The following CDC42BPG variants were observed in gnomAD, a reference collection of about 807,000 sequenced individuals.
CDC42BPG encodes the protein serine/threonine-protein kinase MRCK gamma.
CDC42BPG carries 157 observed loss-of-function variants against 192.2 expected under a neutral mutation model. That is an observed-to-expected ratio of 0.82 (90% confidence interval 0.72 to 0.93). The LOEUF is 0.93. Ranked by LOEUF, CDC42BPG falls within the 40% of genes least tolerant of loss-of-function variation. The probability of loss-of-function intolerance (pLI) is 0.00; values close to 1 mark genes in which losing one functional copy is unlikely to be tolerated. For missense variants in CDC42BPG, 1,992 were observed against 2,122.1 expected, an observed-to-expected ratio of 0.94 and a Z score of 1.20; for synonymous variants, 981 against 918.5, an observed-to-expected ratio of 1.07 and a Z score of -1.23.
intron 8 of CDC42BPG, 68 bp from the exon 9 acceptor site, chr11:64,838,230 C>T (rs1272433117): frequency 7.6e-7 from 1 of 1,307,780 alleles, no homozygotes; most frequent in African/African-American, 1.5e-5. Flanking sequence ...GCCCAGGAGC[C>T]CCCTGGGACC....
Position 64,829,803 on chromosome 11 carries a change from G to A in CDC42BPG, c.3635C>T (p.Pro1212Leu). 6.2e-7 allele frequency: 1 copy of A among 1,602,940 alleles called. No individual in the cohort carries two copies. Among genetic ancestry groups the A allele is most frequent in the Non-Finnish European group, 8.5e-7 (1 of 1,176,526 alleles). The change falls in exon 30 of 37, where the codon CCT becomes CTT. Residue 1212 changes from proline (P) to leucine (L), a missense_variant. This residue lies in a region of CDC42BPG where 1,656 missense variants were observed against 1,844.3 expected (regional missense o/e 0.90). Transcript: ENST00000342711. ...QVLCYQLGPGPGPWQRRIREL... is the reference protein window; with the variant it reads ...QVLCYQLGPGLGPWQRRIREL... ...ACGGATGCGGCGCTGCCAGGGCCCAGGGCCCGGGCCCAGCTGGTAGCAGAG... is the reference window on the plus strand; with the variant it reads ...ACGGATGCGGCGCTGCCAGGGCCCAAGGCCCGGGCCCAGCTGGTAGCAGAG...
At chr11:64,825,959 G>A (rs1048469046) in intron 36 of CDC42BPG, among the ~76,000 whole-genome samples, 3 of 151,880 alleles carry the variant, frequency 2.0e-5, no homozygotes, top group Non-Finnish European at 4.4e-5. Flanking sequence ...CCAGCGACTT[G>A]GGAGAGGCTG....
chr11:64,838,357 G>A (rs555138336), intron 8 of CDC42BPG, among the ~76,000 whole-genome samples, 195 bp from the exon 9 acceptor site: 6 of 152,178 alleles, frequency 3.9e-5, no homozygotes, highest in African/African-American at 7.2e-5. Flanking sequence ...TTCCTTATAC[G>A]GATTCTAGTT....
In CDC42BPG at chr11:64,834,129, A is replaced by G. The variant is rs146448977; in HGVS notation, c.2413+137T>C. ...CAGGCACTCCAGAAGTGCTGGTCAC[A>G]GATGATGGAGTAAGCGGCAGAGTCC... On this transcript the variant is annotated intron_variant, in intron 20 of 36. Transcript: ENST00000342711. 745 of 1,382,588 alleles carry G rather than the reference A, an allele frequency of 5.4e-4. 2 individuals carry two copies. In the African/African-American group the frequency reaches 9.0e-3, roughly 17 times the overall value. The allele number at this position is 1,382,588 out of a possible 1,614,324, so 85.6% of individuals were successfully genotyped here.
chr11:64,832,892 G>A lies in CDC42BPG; in HGVS notation c.2799C>T (p.Leu933=). The A allele has an allele frequency of 6.4e-7, 1 of 1,554,388 alleles. No homozygotes were observed. Among genetic ancestry groups the A allele is most frequent in the South Asian group, 1.2e-5 (1 of 84,318 alleles). Residue 933 remains leucine (L), a synonymous_variant, in exon 25 of 37, where the codon CTC becomes CTT. Coordinates refer to ENST00000342711, the MANE Select transcript of CDC42BPG (RefSeq NM_017525.3). ...QAPPCPVPPD[L]LRTALGVHPE... is the part of the protein sequence containing the mutation. Reference sequence around the variant, plus strand: ...GGTGTACTCCCAGGGCTGTGCGGAGGAGGTCAGGGGGCACGGGGCAGGGTG... The same window carrying A: ...GGTGTACTCCCAGGGCTGTGCGGAGAAGGTCAGGGGGCACGGGGCAGGGTG...
In CDC42BPG at chr11:64,834,429, C is replaced by A. The variant is rs775596454; in HGVS notation, c.2324G>T (p.Arg775Leu). The A allele has an allele frequency of 6.4e-6, 10 of 1,564,274 alleles. No individual in the cohort carries two copies. Among genetic ancestry groups the A allele is most frequent in the East Asian group, 2.4e-5 (1 of 42,234 alleles). The change falls in exon 19 of 37, where the codon CGC becomes CTC. Residue 775 changes from arginine (R) to leucine (L), a missense_variant and splice_region_variant. Physicochemically the swap from Arg to Leu is moderately radical, Grantham distance 102. This residue lies in a region of CDC42BPG where 1,656 missense variants were observed against 1,844.3 expected (regional missense o/e 0.90). Transcript: ENST00000342711. ...CCCCAGTGCCTGCCCCTAGCCTCAC[C>A]GCTCAGCCTGCAGCTGGGCCTCCTG... The part of the protein sequence containing the change: ...QVQEAQLQAE[R>L]RLQEAEKQSQ...
intron 17 of CDC42BPG, 39 bp downstream of exon 17, chr11:64,835,008 C>G: frequency 6.2e-7 from 1 of 1,611,124 alleles, no homozygotes; most frequent in East Asian, 2.2e-5. Context: ...CCCTCAGTCT[C>G]GCCTGCGTTC....
intron 36 of CDC42BPG, among the ~76,000 whole-genome samples, chr11:64,825,795 G>A (rs1290813803): frequency 2.0e-5 from 3 of 152,188 alleles, no homozygotes; most frequent in African/African-American, 7.2e-5. Flanking sequence ...GCCGGGCATG[G>A]TGGCTCACAT....
chr11:64,838,986 A>G (rs769081021), intron 7 of CDC42BPG, 47 bp downstream of exon 7: 2 of 1,612,264 alleles, frequency 1.2e-6, no homozygotes, highest in South Asian at 2.2e-5. Context: ...ACACAGACTC[A>G]GGGGTCCCAC....
In CDC42BPG at chr11:64,836,705, CTGGGGGGGGGGGGGGGGTGGG is replaced by C. The variant is rs1943012775; in HGVS notation, c.1384+13_1384+33del. ...ACCCGAGCCCAGGTGGGACTCAGCC[CTGGGGGGGGGGGGGGGGTGGG>C]CGGAAGGGATACCTGGCAGCCTGTC... On this transcript the variant is annotated intron_variant, in intron 11 of 36. Coordinates refer to ENST00000342711, the MANE Select transcript of CDC42BPG (RefSeq NM_017525.3). 2.3e-5 allele frequency: 8 copies of C among 353,516 alleles called. No individual in the cohort carries two copies. The highest frequency in any genetic ancestry group is 8.8e-5 in the Admixed American group (1 of 11,310). The allele number at this position is 353,516 out of a possible 1,614,324, so 21.9% of individuals were successfully genotyped here. A position where few individuals can be genotyped will look rare whatever the true frequency, so the allele number is the denominator to read the frequency against.
chr11:64,836,203 C>T lies in CDC42BPG; in HGVS notation c.1582G>A (p.Glu528Lys). 6.3e-7 allele frequency: 1 copy of T among 1,598,736 alleles called. No homozygotes were observed. The highest frequency in any genetic ancestry group is 1.1e-5 in the South Asian group (1 of 89,078). The change falls in exon 13 of 37, where the codon GAG becomes AAG. Residue 528 changes from glutamate (E) to lysine (K), a missense_variant. Coordinates refer to ENST00000342711, the MANE Select transcript of CDC42BPG (RefSeq NM_017525.3). Reference sequence around the variant, plus strand: ...GTGGCCGCCTCTCTCTCCTGGGCCTCCTGTAGCCTCTGAAGCAGCTCCTCC... The same window carrying T: ...GTGGCCGCCTCTCTCTCCTGGGCCTTCTGTAGCCTCTGAAGCAGCTCCTCC... ...QQEELLQRLQ[E>K]AQEREAATAS...
At chr11:64,826,931 G>T in intron 34 of CDC42BPG, 119 bp downstream of exon 34, 1 of 1,162,060 alleles carries the variant, frequency 8.6e-7, no homozygotes, top group Non-Finnish European at 1.2e-6. Flanking sequence ...TAGCAGAAGT[G>T]TGAGTCCCAG....
chr11:64,836,684 G>A (rs973763226), intron 11 of CDC42BPG, 55 bp downstream of exon 11: 21 of 958,786 alleles, frequency 2.2e-5, no homozygotes, highest in Middle Eastern at 3.6e-4. Flanking sequence ...GGCAGGACCC[G>A]AGCCCAGGTG....
chr11:64,827,737 A>G lies in CDC42BPG; in HGVS notation c.4014T>C (p.Asp1338=). The G allele has an allele frequency of 6.2e-7, 1 of 1,613,120 alleles. No homozygotes were observed. Residue 1338 remains aspartate (D), a synonymous_variant, in exon 31 of 37, where the codon GAT becomes GAC. Transcript: ENST00000342711. Reference sequence around the variant, plus strand: ...ATTCTGCCCTCCTCACGTCAAACACATCGATGGAGTTCTCGCTGAACACTG... The same window carrying G: ...ATTCTGCCCTCCTCACGTCAAACACGTCGATGGAGTTCTCGCTGAACACTG... ...YLTVFSENSI[D]VFDVRRAEWV... is the part of the protein sequence containing the mutation.
At chr11:64,838,003 C>A in intron 9 of CDC42BPG, 80 bp downstream of exon 9, 2 of 1,223,640 alleles carry the variant, frequency 1.6e-6, no homozygotes, top group Admixed American at 4.0e-5. Flanking sequence ...CTTCCCAGGG[C>A]CCCAGTGGGC....
rs1289070719 is a variant in CDC42BPG at position 64,843,833 on chromosome 11, T to C, written c.160+577A>G. Among the ~76,000 whole-genome samples the C allele has an allele frequency of 1.3e-5, 2 of 152,038 alleles. 1 individual carries two copies. Among genetic ancestry groups the C allele is most frequent in the East Asian group, 3.9e-4 (2 of 5,172 alleles). On this transcript the variant is annotated intron_variant, in intron 1 of 36. Transcript: ENST00000342711. ...CAAGGGTTGGAGATCGGTTCCTGAG[T>C]CCAGGCTGCAGTGGTCTTGTACCCA... is the stretch of plus-strand genomic sequence containing the variant.
chr11:64,833,389 C>T, intron 23 of CDC42BPG, 53 bp from the exon 24 acceptor site: 2 of 1,075,460 alleles, frequency 1.9e-6, no homozygotes, highest in South Asian at 1.5e-5. Flanking sequence ...CATGCCCCAT[C>T]CCTGAGGGGT....
intron 1 of CDC42BPG, among the ~76,000 whole-genome samples, chr11:64,843,020 CG>C (rs1451018533): frequency 1.3e-5 from 2 of 152,060 alleles, no homozygotes; most frequent in Non-Finnish European, 2.9e-5. Flanking sequence ...GGAGCAGCCC[CG>C]GGCCTCCCCG....
intron 3 of CDC42BPG, 28 bp from the exon 4 acceptor site, chr11:64,840,676 T>G (rs1592723905): frequency 6.2e-7 from 1 of 1,605,218 alleles, no homozygotes; most frequent in East Asian, 2.2e-5. Context: ...AAGTAAGGGG[T>G]GGGGTGGGAT....
Sources: gnomAD v4.1 joint callset for allele counts (sites outside exome capture counted in the v4.1 genomes callset) on GRCh38, gnomAD v4.1.1 for gene constraint, gnomAD v4.1.1 regional missense constraint, MANE v1.5 for transcripts, NCBI Gene and HGNC (gene_info 2026-07-23, HGNC 2026-07-21) for gene names.